MBP: variants seen among roughly 807,000 people sequenced by gnomAD.
The protein encoded by MBP is myelin basic protein, also known as Golli-MBP.
MBP carries 16 observed loss-of-function variants against 35.8 expected under a neutral mutation model. The ratio of observed to expected loss-of-function variants is 0.45; its 90% confidence interval spans 0.30 to 0.68. MBP has a LOEUF of 0.68. Ranked by LOEUF, MBP falls within the 30% of genes least tolerant of loss-of-function variation. The pLI is 0.08. For synonymous variants in MBP, 143 were observed against 159.6 expected, an observed-to-expected ratio of 0.90 and a Z score of 0.78; for missense variants, 380 against 404.7, an observed-to-expected ratio of 0.94 and a Z score of 0.52.
chr18:77,049,728 T>C (rs1374988405), intron 3 of MBP, among the ~76,000 whole-genome samples: 4 of 152,172 alleles, frequency 2.6e-5, no homozygotes, highest in African/African-American at 9.7e-5. Context: ...TGGCCCAGGA[T>C]GGAGTGTGTG....
chr18:76,992,854 TG>T (rs1272872310), intron 4 of MBP, among the ~76,000 whole-genome samples: 1 of 152,170 alleles, frequency 6.6e-6, no homozygotes, highest in African/African-American at 2.4e-5. Flanking sequence ...TCCCCTGCCC[TG>T]GGCTGTGCCC....
At chr18:77,118,178 GTGGGATGGGGGA>G (rs1976755898) in intron 1 of MBP, among the ~76,000 whole-genome samples, 1 of 124,444 alleles carries the variant, frequency 8.0e-6, no homozygotes, top group Non-Finnish European at 1.7e-5. Context: ...GTGGGTTGGG[GTGGGATGGGGGA>G]CAGTGGGTTG....
At chr18:77,113,736 G>A (rs1053371389) in intron 1 of MBP, 1 of 152,834 alleles carries the variant, frequency 6.5e-6, no homozygotes, top group African/African-American at 2.4e-5. Flanking sequence ...CACTCATGGG[G>A]GGATTGGGGG....
chr18:77,084,079 T>G (rs1975095689), intron 2 of MBP, among the ~76,000 whole-genome samples: 1 of 152,086 alleles, frequency 6.6e-6, no homozygotes, highest in Non-Finnish European at 1.5e-5. Context: ...GTAGCATTAT[T>G]GAAAGGGCAT....
At position 77,044,500 on chromosome 18, in the gene MBP, C is replaced by G. The variant is rs1002630931; in HGVS notation, c.139+21798G>C. 1.3e-5 allele frequency among the ~76,000 whole-genome samples: 2 copies of G among 152,150 alleles called. No homozygotes were observed. Among genetic ancestry groups the G allele is most frequent in the Non-Finnish European group, 2.9e-5 (2 of 68,046 alleles). On this transcript the variant is annotated intron_variant, in intron 3 of 8. Transcript: ENST00000355994. This position sits in a 1 kb window ranked among gnomAD's most constrained non-coding sequence, Gnocchi z 4.4. ...GCAAGGGCCACTCTCCCTGTACAGG[C>G]CTTCCTGACCCCTCGTCCCTGGAAA...
At chr18:77,067,534 A>G (rs72990918) in intron 2 of MBP, among the ~76,000 whole-genome samples, 16,453 of 152,194 alleles carry the variant, frequency 0.11, 1,150 homozygotes, top group Admixed American at 0.17. Flanking sequence ...TGTTGCACTA[A>G]TTTCCTGTTC....
intron 3 of MBP, among the ~76,000 whole-genome samples, chr18:77,056,253 G>A (rs1973715099): frequency 6.6e-6 from 1 of 152,242 alleles, no homozygotes; most frequent in Admixed American, 6.5e-5. Flanking sequence ...GCTCTAAACT[G>A]GAGGCATGAA....
At chr18:77,043,016 G>A (rs899499468) in intron 3 of MBP, among the ~76,000 whole-genome samples, 1 of 152,212 alleles carries the variant, frequency 6.6e-6, no homozygotes, top group Non-Finnish European at 1.5e-5. Context: ...CCTCTTTGGT[G>A]CTGAGCTACT....
At chr18:77,118,646 C>CCACA (rs71174610) in intron 1 of MBP, among the ~76,000 whole-genome samples, 22 of 135,352 alleles carry the variant, frequency 1.6e-4, no homozygotes, top group African/African-American at 4.8e-4. Flanking sequence ...ACACTACACA[C>CCACA]CACACACACA....
chr18:76,993,567 A>AC (rs1491027045), intron 4 of MBP, among the ~76,000 whole-genome samples: 3 of 145,372 alleles, frequency 2.1e-5, no homozygotes, highest in Admixed American at 6.8e-5. Flanking sequence ...AAAAAAAAAA[A>AC]ACAAAAGATC....
At chr18:77,017,512 C>A (rs949943904) in intron 3 of MBP, 3 of 367,226 alleles carry the variant, frequency 8.2e-6, no homozygotes, top group Admixed American at 4.3e-5. Context: ...GCGTAAAATG[C>A]ACCCAGGCTT....
intron 3 of MBP, among the ~76,000 whole-genome samples, chr18:77,048,566 T>TCAATC (rs55857785): frequency 6.6e-6 from 1 of 152,084 alleles, no homozygotes; most frequent in South Asian, 2.1e-4. Flanking sequence ...CCTCCTGGGT[T>TCAATC]AATTCTCTTG....
Position 77,102,024 on chromosome 18 carries a change from T to C in MBP, c.51+3187A>G, listed in dbSNP as rs762926604. Among the ~76,000 whole-genome samples, 8 of 152,006 alleles carry C rather than the reference T, an allele frequency of 5.3e-5. No homozygotes were observed. Among genetic ancestry groups the C allele is most frequent in the Non-Finnish European group, 7.4e-5 (5 of 67,996 alleles). On this transcript the variant is annotated intron_variant, in intron 2 of 8. Transcript: ENST00000355994. The surrounding 1 kb of genome is among the most constrained non-coding windows in gnomAD (Gnocchi z 4.4). ...AGAGAGGAAAGTTCCCTCCTTGATA[T>C]AGGAGGGGAAGAAGTCGGATGATAA...
At chr18:77,058,317 G>C (rs1367517795) in intron 3 of MBP, among the ~76,000 whole-genome samples, 1 of 152,186 alleles carries the variant, frequency 6.6e-6, no homozygotes, top group African/African-American at 2.4e-5. Context: ...CGACTCTCAG[G>C]ACCCACCTGG....
At chr18:77,096,954 C>G (rs1379004094) in intron 2 of MBP, among the ~76,000 whole-genome samples, 1 of 152,184 alleles carries the variant, frequency 6.6e-6, no homozygotes. Context: ...AGACAGTGTT[C>G]AAAACACCAA....
intron 3 of MBP, among the ~76,000 whole-genome samples, chr18:77,052,507 T>C (rs79521697): frequency 1.0e-3 from 158 of 152,340 alleles, no homozygotes; most frequent in African/African-American, 3.5e-3. Flanking sequence ...AGCTTTCAGT[T>C]GTCCCATTGT....
At chr18:77,097,001 G>A (rs917774673) in intron 2 of MBP, among the ~76,000 whole-genome samples, 59 of 152,304 alleles carry the variant, frequency 3.9e-4, no homozygotes, top group African/African-American at 1.3e-3. Context: ...TAACTCAAGG[G>A]CACTACAAAC....
At chr18:77,019,543 G>T (rs1390509119) in intron 3 of MBP, among the ~76,000 whole-genome samples, 1 of 152,192 alleles carries the variant, frequency 6.6e-6, no homozygotes, top group Admixed American at 6.5e-5. Flanking sequence ...GGGAAGCAGG[G>T]CTCTGCAGAC....
chr18:76,986,289 CT>C, intron 7 of MBP: 1 of 985,636 alleles, frequency 1.0e-6, no homozygotes, highest in Non-Finnish European at 1.2e-6. Context: ...CCAAACCAGA[CT>C]GTCCCTCCTC....
Sources: allele counts gnomAD v4.1 joint callset (sites outside exome capture counted in the v4.1 genomes callset), GRCh38; gene constraint gnomAD v4.1.1; non-coding constraint Gnocchi (gnomAD v3.1); transcripts MANE v1.5; gene names NCBI Gene and HGNC (gene_info 2026-07-23, HGNC 2026-07-21).